The following NEK6 variants were observed in gnomAD, a reference collection of about 807,000 sequenced individuals.
NEK6 encodes the protein NIMA related kinase 6.
A neutral mutation model predicts 43.5 loss-of-function variants in NEK6; 27 were observed. That is an observed-to-expected ratio of 0.62 (90% CI 0.46 to 0.86). The LOEUF is 0.86. Ranked by LOEUF, NEK6 falls within the 40% of genes least tolerant of loss-of-function variation. NEK6 has a pLI of 0.00. For synonymous variants in NEK6, 167 were observed against 164.1 expected (o/e 1.02, Z -0.14); for missense variants, 318 against 414.4 (o/e 0.77, Z 2.02).
At chr9:124,335,727 G>A (rs1173695032) in intron 7 of NEK6, among the ~76,000 whole-genome samples, 3 of 152,212 alleles carry the variant, frequency 2.0e-5, no homozygotes, top group African/African-American at 7.2e-5. Flanking sequence ...TCCTGCCCCT[G>A]GGAGTTGACA....
intron 1 of NEK6, among the ~76,000 whole-genome samples, chr9:124,295,631 T>A (rs924583053): frequency 2.0e-5 from 3 of 152,208 alleles, no homozygotes; most frequent in Non-Finnish European, 4.4e-5. Flanking sequence ...CTGAACAGTG[T>A]GGATCATAGC....
chr9:124,260,026 G>A, intron 1 of NEK6, among the ~76,000 whole-genome samples: 1 of 152,154 alleles, frequency 6.6e-6, no homozygotes. Context: ...GTTCTAGGGG[G>A]TGTGAATCTC....
chr9:124,316,714 A>G (rs534655909), intron 4 of NEK6, among the ~76,000 whole-genome samples: 5 of 152,296 alleles, frequency 3.3e-5, no homozygotes, highest in South Asian at 4.1e-4. Context: ...ATTTAGCCCA[A>G]TGGACGTCTG....
chr9:124,289,328 C>G (rs529102483), intron 1 of NEK6, among the ~76,000 whole-genome samples: 9 of 152,172 alleles, frequency 5.9e-5, no homozygotes, highest in Admixed American at 2.6e-4. Context: ...CCCATCCAAG[C>G]TCTGCCTCTG....
At chr9:124,261,903 T>C (rs1005790490) in intron 1 of NEK6, among the ~76,000 whole-genome samples, 6 of 152,216 alleles carry the variant, frequency 3.9e-5, no homozygotes, top group African/African-American at 1.2e-4. Context: ...TTTTCTCCCG[T>C]CTGGCCTGTG....
At chr9:124,297,410 C>T (rs371899230) in intron 1 of NEK6, among the ~76,000 whole-genome samples, 15 of 152,328 alleles carry the variant, frequency 9.8e-5, no homozygotes, top group African/African-American at 1.7e-4. Flanking sequence ...GAAACTGAGA[C>T]GCAGCATGGT....
chr9:124,338,063 C>G (rs779920945), intron 7 of NEK6, among the ~76,000 whole-genome samples: 2 of 152,140 alleles, frequency 1.3e-5, no homozygotes, highest in Admixed American at 1.3e-4. Context: ...TCACTGCAGC[C>G]TTCACCTCCT....
chr9:124,331,355 GC>G (rs1426669928), intron 7 of NEK6, among the ~76,000 whole-genome samples: 9 of 151,928 alleles, frequency 5.9e-5, no homozygotes, highest in African/African-American at 2.2e-4. Context: ...GGAAACTGAG[GC>G]CCAGGGAAGT....
At chr9:124,308,249 C>G (rs1264622726) in intron 2 of NEK6, among the ~76,000 whole-genome samples, 1 of 152,184 alleles carries the variant, frequency 6.6e-6, no homozygotes, top group Non-Finnish European at 1.5e-5. Flanking sequence ...AGAGCCAGAG[C>G]AGTGGTTACC....
chr9:124,283,779 A>G (rs1381275469), intron 1 of NEK6, among the ~76,000 whole-genome samples: 2 of 152,096 alleles, frequency 1.3e-5, no homozygotes, highest in African/African-American at 2.4e-5. Flanking sequence ...CTATTCCTCC[A>G]CTCAGAGCTG....
rs779084313 is a variant in NEK6 at position 124,347,802 on chromosome 9, G to A, written c.811G>A (p.Gly271Arg). 3.5e-5 allele frequency: 56 copies of A among 1,611,178 alleles called. No homozygotes were observed. The highest frequency in any genetic ancestry group is 3.3e-4 in the Middle Eastern group (2 of 6,068). Residue 271 changes from glycine to arginine, a missense_variant, in exon 9 of 10, where the codon GGG (glycine) becomes AGG (arginine). Coordinates refer to ENST00000320246, the MANE Select transcript of NEK6 (RefSeq NM_014397.6). The stretch of plus-strand genomic sequence containing the variant: ...GCAGTGTGACTACCCCCCACTCCCC[G>A]GGGAGCACTACTCCGAGAAGGTGAG... ...IEQCDYPPLP[G>R]EHYSEKLREL...
At chr9:124,296,018 G>A (rs945380242) in intron 1 of NEK6, among the ~76,000 whole-genome samples, 1 of 152,256 alleles carries the variant, frequency 6.6e-6, no homozygotes, top group African/African-American at 2.4e-5. Context: ...AAGTTGGTCC[G>A]GCCTTGACCC....
intron 1 of NEK6, among the ~76,000 whole-genome samples, chr9:124,294,895 A>G (rs1156351473): frequency 3.3e-5 from 5 of 152,200 alleles, no homozygotes; most frequent in South Asian, 4.1e-4. Flanking sequence ...CCCAATGAGA[A>G]GGGACAAGGC....
chr9:124,322,435 C>T (rs1055798774), intron 5 of NEK6, among the ~76,000 whole-genome samples: 4 of 152,226 alleles, frequency 2.6e-5, no homozygotes, highest in South Asian at 2.1e-4. Flanking sequence ...TCCTGCCAGC[C>T]TCCACCCAGC....
At chr9:124,296,237 G>T (rs1238302073) in intron 1 of NEK6, among the ~76,000 whole-genome samples, 1 of 152,270 alleles carries the variant, frequency 6.6e-6, no homozygotes, top group Non-Finnish European at 1.5e-5. Context: ...TTCGCTCGGG[G>T]CGGAGAGAAA....
Position 124,336,454 on chromosome 9 carries a change from C to G in NEK6, c.623-3117C>G, listed in dbSNP as rs531520139. 6.6e-5 allele frequency among the ~76,000 whole-genome samples: 10 copies of G among 152,272 alleles called. No individual in the cohort carries two copies. The South Asian group carries it at 2.1e-3, about 32-fold the overall frequency. ...GCTTCCTTCATGAAATTAAAAGTTA[C>G]CTGTGTTTTTCCCGAAATCTCCTGA... On this transcript the variant is annotated intron_variant, in intron 7 of 9. Coordinates refer to ENST00000320246, the MANE Select transcript of NEK6 (RefSeq NM_014397.6).
intron 1 of NEK6, among the ~76,000 whole-genome samples, chr9:124,287,164 A>G (rs1422278783): frequency 1.3e-5 from 2 of 152,074 alleles, no homozygotes; most frequent in East Asian, 3.9e-4. Flanking sequence ...GGGGATCCCT[A>G]GGGGAAAGAC....
intron 8 of NEK6, among the ~76,000 whole-genome samples, chr9:124,340,520 C>T (rs1174007349): frequency 6.6e-6 from 1 of 152,240 alleles, no homozygotes; most frequent in East Asian, 1.9e-4. Context: ...AACAGGACCA[C>T]CTGTCTTGCA....
chr9:124,325,316 G>A (rs932528039), intron 5 of NEK6, among the ~76,000 whole-genome samples: 5 of 152,164 alleles, frequency 3.3e-5, no homozygotes, highest in African/African-American at 1.2e-4. Context: ...TCTTAGGCCC[G>A]GCATGGTGGC....
Sources: allele counts gnomAD v4.1 joint callset (sites outside exome capture counted in the v4.1 genomes callset), GRCh38; gene constraint gnomAD v4.1.1; transcripts MANE v1.5; gene names NCBI Gene and HGNC (gene_info 2026-07-23, HGNC 2026-07-21).